Variants in CSMD1 observed in about 807,000 individuals in gnomAD.
CSMD1 encodes CUB and sushi domain-containing protein 1.
CSMD1 carries 213 observed loss-of-function variants against 417.5 expected under a neutral mutation model. The observed-to-expected ratio is 0.51, with a 90% CI of 0.46 to 0.57. The LOEUF is 0.57. Among genes scored for constraint, CSMD1 ranks in the 20% least tolerant of loss-of-function variants. CSMD1 has a pLI of 0.00. For synonymous variants in CSMD1, 2,862 were observed against 1,736.8 expected, an observed-to-expected ratio of 1.65 and a Z score of -16.11; for missense variants, 6,923 against 4,529.7, an observed-to-expected ratio of 1.53 and a Z score of -15.17.
intron 5 of CSMD1, among the ~76,000 whole-genome samples, chr8:3,757,244 G>C (rs1176323024): frequency 6.6e-6 from 1 of 152,120 alleles, no homozygotes; most frequent in Non-Finnish European, 1.5e-5. Context: ...TTTTGTGTCA[G>C]TCAACAGGAT....
intron 1 of CSMD1, among the ~76,000 whole-genome samples, chr8:4,647,605 C>G (rs1803618869): frequency 6.6e-6 from 1 of 152,104 alleles, no homozygotes; most frequent in Admixed American, 6.5e-5. Flanking sequence ...GTGTTGTTCC[C>G]CTCTCTGTAT....
intron 3 of CSMD1, among the ~76,000 whole-genome samples, chr8:4,342,825 A>C (rs1800557102): frequency 6.6e-6 from 1 of 152,060 alleles, no homozygotes; most frequent in Admixed American, 6.6e-5. Flanking sequence ...AACATCGCAA[A>C]GAAAAAGCAG....
intron 3 of CSMD1, among the ~76,000 whole-genome samples, chr8:4,316,099 C>G (rs1798911627): frequency 6.6e-6 from 1 of 151,834 alleles, no homozygotes; most frequent in African/African-American, 2.4e-5. Flanking sequence ...AAAAGCCAAC[C>G]ACTCATTATT....
chr8:4,673,032 G>A (rs1805428181), intron 1 of CSMD1, among the ~76,000 whole-genome samples: 2 of 151,462 alleles, frequency 1.3e-5, no homozygotes, highest in Non-Finnish European at 2.9e-5. Context: ...CACGCACACG[G>A]TGACACAACA....
chr8:4,830,467 C>T (rs1800086045), intron 1 of CSMD1, among the ~76,000 whole-genome samples: 1 of 152,162 alleles, frequency 6.6e-6, no homozygotes, highest in Admixed American at 6.5e-5. Flanking sequence ...TAGGATCTGT[C>T]TTTTTGCTAG....
chr8:3,777,181 G>C (rs1295092720), intron 5 of CSMD1, among the ~76,000 whole-genome samples: 1 of 151,306 alleles, frequency 6.6e-6, no homozygotes, highest in Admixed American at 6.6e-5. Flanking sequence ...ATGTATGTGT[G>C]TCTGTTACTT....
At chr8:4,154,395 T>G (rs1322861527) in intron 3 of CSMD1, among the ~76,000 whole-genome samples, 2 of 152,204 alleles carry the variant, frequency 1.3e-5, no homozygotes, top group African/African-American at 4.8e-5. Flanking sequence ...ATCTATTGTA[T>G]AAGTATAGAC....
At chr8:4,947,557 T>C (rs1372404859) in intron 1 of CSMD1, among the ~76,000 whole-genome samples, 1 of 152,130 alleles carries the variant, frequency 6.6e-6, no homozygotes, top group African/African-American at 2.4e-5. Context: ...ATTCTCTGAA[T>C]ATAAATTAAC....
intron 10 of CSMD1, among the ~76,000 whole-genome samples, chr8:3,551,630 G>A (rs375451455): frequency 1.3e-3 from 128 of 99,580 alleles, no homozygotes; most frequent in Non-Finnish European, 2.3e-3. Flanking sequence ...GATACATTAT[G>A]TTCTTTCCGG....
At chr8:4,045,029 G>C (rs1176251884) in intron 3 of CSMD1, among the ~76,000 whole-genome samples, 1 of 152,208 alleles carries the variant, frequency 6.6e-6, no homozygotes, top group Non-Finnish European at 1.5e-5. Context: ...GAATCTTCCA[G>C]TTTTACAAAG....
intron 1 of CSMD1, among the ~76,000 whole-genome samples, chr8:4,698,757 TA>T (rs11304604): frequency 0.69 from 103,575 of 149,130 alleles, 36,467 homozygotes; most frequent in African/African-American, 0.82. Context: ...CTCTGCCCCT[TA>T]AAAAAAAAAA....
chr8:4,749,735 A>T (rs1008416470), intron 1 of CSMD1, among the ~76,000 whole-genome samples: 1 of 152,208 alleles, frequency 6.6e-6, no homozygotes, highest in Admixed American at 6.5e-5. Flanking sequence ...TAATAATTAC[A>T]TATTTCATAA....
chr8:3,870,846 C>A (rs1482510086), intron 5 of CSMD1, among the ~76,000 whole-genome samples: 3 of 152,060 alleles, frequency 2.0e-5, no homozygotes, highest in African/African-American at 7.2e-5. Context: ...AACATTAACA[C>A]CATTCTGTCT....
chr8:3,403,384 C>G (rs763899820), intron 15 of CSMD1, among the ~76,000 whole-genome samples: 2 of 152,158 alleles, frequency 1.3e-5, no homozygotes, highest in Non-Finnish European at 2.9e-5. Context: ...TCGGGGTACC[C>G]GCCTGTTCCA....
At chr8:4,893,582 GATGT>G (rs1192894870) in intron 1 of CSMD1, among the ~76,000 whole-genome samples, 9 of 152,054 alleles carry the variant, frequency 5.9e-5, no homozygotes, top group African/African-American at 1.7e-4. Context: ...GTAAATGTGT[GATGT>G]ATTTACATAA....
intron 57 of CSMD1, among the ~76,000 whole-genome samples, chr8:2,971,323 C>T (rs894785762): frequency 6.6e-6 from 1 of 152,014 alleles, no homozygotes; most frequent in African/African-American, 2.4e-5. Flanking sequence ...GGACCCAATC[C>T]GAGACCACAC....
In CSMD1 at chr8:3,033,352, C is replaced by A. The variant is rs74978750; in HGVS notation, c.7661-3839G>T. On this transcript the variant is annotated intron_variant, in intron 50 of 69. Transcript: ENST00000635120. ...ATTGGTAAGACACCAATTGATGCTACAGATAAAGCATTGTTGTTCATGCAC... is the reference window on the plus strand; with the variant it reads ...ATTGGTAAGACACCAATTGATGCTAAAGATAAAGCATTGTTGTTCATGCAC... Among the ~76,000 whole-genome samples, 337 of 152,184 alleles carry A rather than the reference C, an allele frequency of 2.2e-3. 4 individuals are homozygous for A. Among genetic ancestry groups the A allele is most frequent in the Admixed American group, 3.9e-3 (60 of 15,282 alleles).
chr8:3,758,666 T>TTTAGAAG (rs1226791524), intron 5 of CSMD1, among the ~76,000 whole-genome samples: 3 of 152,136 alleles, frequency 2.0e-5, no homozygotes, highest in Non-Finnish European at 4.4e-5. Flanking sequence ...TCAGTTGAGA[T>TTTAGAAG]TTAGAAGAAA....
chr8:4,023,738 C>A (rs1208324130), intron 4 of CSMD1, among the ~76,000 whole-genome samples: 1 of 149,784 alleles, frequency 6.7e-6, no homozygotes, highest in African/African-American at 2.5e-5. Context: ...AAGCGCCCAC[C>A]GCTACGCTCG....
Sources: allele counts gnomAD v4.1 joint callset (sites outside exome capture counted in the v4.1 genomes callset), GRCh38; gene constraint gnomAD v4.1.1; transcripts MANE v1.5; gene names NCBI Gene and HGNC (gene_info 2026-07-23, HGNC 2026-07-21).